The following CYFIP2 variants were observed in gnomAD, a reference collection of about 807,000 sequenced individuals.
The protein encoded by CYFIP2 is cytoplasmic FMR1-interacting protein 2.
CYFIP2 carries 29 observed loss-of-function variants against 158.7 expected under a neutral mutation model. The ratio of observed to expected loss-of-function variants is 0.18; its 90% CI spans 0.14 to 0.25. The LOEUF is 0.25. Ranked by LOEUF, CYFIP2 falls within the 10% of genes least tolerant of loss-of-function variation. The pLI is 1.00. For synonymous variants in CYFIP2, 585 were observed against 617.6 expected, an observed-to-expected ratio of 0.95 and a Z score of 0.78; for missense variants, 852 against 1,639.5, an observed-to-expected ratio of 0.52 and a Z score of 8.29.
intron 5 of CYFIP2, among the ~76,000 whole-genome samples, chr5:157,300,360 C>T (rs1581007135): frequency 6.6e-6 from 1 of 151,906 alleles, no homozygotes; most frequent in African/African-American, 2.4e-5. Flanking sequence ...CATGGTGAAA[C>T]CCCGTCTCTA....
At chr5:157,389,795 G>T (rs1033745603) in intron 29 of CYFIP2, among the ~76,000 whole-genome samples, 1 of 152,210 alleles carries the variant, frequency 6.6e-6, no homozygotes, top group Non-Finnish European at 1.5e-5. Context: ...GGAAAAAGGC[G>T]TGGTGGGGAG....
chr5:157,277,895 A>G (rs893118395), intron 1 of CYFIP2, among the ~76,000 whole-genome samples: 19 of 152,220 alleles, frequency 1.2e-4, no homozygotes, highest in Non-Finnish European at 2.4e-4. Context: ...GCTATATGGT[A>G]TATAGCCTAT....
At chr5:157,291,172 A>C (rs1330152526) in intron 3 of CYFIP2, among the ~76,000 whole-genome samples, 1 of 152,202 alleles carries the variant, frequency 6.6e-6, no homozygotes, top group Non-Finnish European at 1.5e-5. Flanking sequence ...ATATTTAGTT[A>C]ATCTGGGGCA....
chr5:157,378,423 G>T (rs148398019), intron 26 of CYFIP2, among the ~76,000 whole-genome samples: 69 of 152,288 alleles, frequency 4.5e-4, no homozygotes, highest in Middle Eastern at 6.8e-3. Flanking sequence ...TGTCAGATGT[G>T]AGTGAGGCTG....
At chr5:157,320,920 G>A (rs770702428) in intron 15 of CYFIP2, 118 bp downstream of exon 15, 7 of 1,256,408 alleles carry the variant, frequency 5.6e-6, no homozygotes, top group African/African-American at 1.5e-5. Flanking sequence ...GAGGGGCAGG[G>A]TTGAGTGGCT....
At chr5:157,343,148 A>C in intron 23 of CYFIP2, 1 of 1,614,224 alleles carries the variant, frequency 6.2e-7, no homozygotes, top group Non-Finnish European at 8.5e-7. Flanking sequence ...GAGGCAGATG[A>C]AGGCCAAGAC....
intron 1 of CYFIP2, among the ~76,000 whole-genome samples, chr5:157,271,119 G>T (rs893779567): frequency 6.6e-6 from 1 of 152,164 alleles, no homozygotes; most frequent in Non-Finnish European, 1.5e-5. Context: ...GTCTTCGTGT[G>T]GGCCATGATA....
At chr5:157,351,597 G>A (rs181169102) in intron 23 of CYFIP2, among the ~76,000 whole-genome samples, 13 of 151,226 alleles carry the variant, frequency 8.6e-5, no homozygotes, top group African/African-American at 2.9e-4. Context: ...CAGCGGGGCC[G>A]GCTTGGCTGC....
chr5:157,382,806 T>G (rs1199586105), intron 27 of CYFIP2, 144 bp downstream of exon 27: 3 of 866,142 alleles, frequency 3.5e-6, no homozygotes, highest in Non-Finnish European at 5.4e-6. Context: ...AATCACAAAT[T>G]GGAAGATGGA....
intron 5 of CYFIP2, among the ~76,000 whole-genome samples, chr5:157,299,859 G>A (rs1358132090): frequency 6.6e-6 from 1 of 152,072 alleles, no homozygotes; most frequent in Non-Finnish European, 1.5e-5. Context: ...CCGACATTGT[G>A]CCACTGCATT....
chr5:157,271,643 A>C (rs1756100596), intron 1 of CYFIP2: 1 of 152,234 alleles, frequency 6.6e-6, no homozygotes, highest in African/African-American at 2.4e-5. Context: ...GCAGGTTTGG[A>C]CATCATGGTT....
chr5:157,361,225 TTG>T lies in CYFIP2; in HGVS notation c.2909-232_2909-231del, dbSNP rs572360574. 2.6e-5 allele frequency among the ~76,000 whole-genome samples: 4 copies of T among 151,840 alleles called. No individual in the cohort carries two copies. Among genetic ancestry groups the T allele is most frequent in the Admixed American group, 1.3e-4 (2 of 15,232 alleles). ...TGGTGCCTCATTTGTGTGCCTGTGT[TTG>T]TGTGTGTGTGCATGTGTGTGCGTGT... On this transcript the variant is annotated intron_variant, in intron 25 of 30. Coordinates refer to ENST00000620254, the MANE Select transcript of CYFIP2 (RefSeq NM_001037333.3). The surrounding 1 kb of genome is among the most constrained non-coding windows in gnomAD (Gnocchi z 4.4).
At chr5:157,381,749 G>C (rs1264746420) in intron 26 of CYFIP2, among the ~76,000 whole-genome samples, 1 of 151,790 alleles carries the variant, frequency 6.6e-6, no homozygotes, top group Non-Finnish European at 1.5e-5. Context: ...CCATGCCCGG[G>C]GTAGAAGAAG....
chr5:157,306,857 G>C (rs182498658), intron 8 of CYFIP2, among the ~76,000 whole-genome samples: 17 of 151,742 alleles, frequency 1.1e-4, no homozygotes, highest in Admixed American at 2.6e-4. Flanking sequence ...ACTCCAGCCC[G>C]GGTGGGGTGG....
At chr5:157,293,057 T>TGTAC (rs1491421047) in intron 3 of CYFIP2, among the ~76,000 whole-genome samples, 11 of 151,846 alleles carry the variant, frequency 7.2e-5, no homozygotes, top group African/African-American at 2.7e-4. Flanking sequence ...TATGTATGTA[T>TGTAC]GTATGTATGT....
intron 1 of CYFIP2, among the ~76,000 whole-genome samples, chr5:157,267,655 T>G (rs1457224241): frequency 6.6e-6 from 1 of 152,198 alleles, no homozygotes; most frequent in African/African-American, 2.4e-5. Flanking sequence ...ACAAAAGAAG[T>G]TCCCATTTGA....
chr5:157,376,889 G>A (rs547382785), intron 26 of CYFIP2: 75 of 455,794 alleles, frequency 1.6e-4, no homozygotes, highest in African/African-American at 9.0e-4. Flanking sequence ...CTTCTCTTCC[G>A]TGTCCACACA....
At chr5:157,381,293 C>T (rs1581190818) in intron 26 of CYFIP2, among the ~76,000 whole-genome samples, 1 of 151,194 alleles carries the variant, frequency 6.6e-6, no homozygotes, top group Non-Finnish European at 1.5e-5. Flanking sequence ...ATATGTATCA[C>T]TGAACAATAC....
chr5:157,358,235 T>C (rs889076540), intron 23 of CYFIP2, among the ~76,000 whole-genome samples: 2 of 152,124 alleles, frequency 1.3e-5, no homozygotes, highest in African/African-American at 4.8e-5. Context: ...CAGACAAAGA[T>C]CTTAAAGAGA....
Sources: gnomAD v4.1 joint callset for allele counts (sites outside exome capture counted in the v4.1 genomes callset) on GRCh38, gnomAD v4.1.1 for gene constraint, Gnocchi (gnomAD v3.1) non-coding constraint, MANE v1.5 for transcripts, NCBI Gene and HGNC (gene_info 2026-07-23, HGNC 2026-07-21) for gene names.